Variants in EEPD1 observed in about 807,000 individuals in gnomAD.
EEPD1 encodes the protein endonuclease/exonuclease/phosphatase family domain containing 1.
In EEPD1, 17 loss-of-function variants were observed where a neutral mutation model predicts 46.3. The ratio of observed to expected loss-of-function variants is 0.37; its 90% CI spans 0.25 to 0.55. The LOEUF (loss-of-function observed/expected upper bound fraction) is 0.55. EEPD1 is among the 20% of genes least tolerant of loss of function. The pLI is 0.83. For synonymous variants in EEPD1, 313 were observed against 315.6 expected (o/e 0.99, Z 0.09); for missense variants, 673 against 745.6 (o/e 0.90, Z 1.13).
intron 3 of EEPD1, among the ~76,000 whole-genome samples, chr7:36,245,015 G>A (rs549228275): frequency 1.3e-5 from 2 of 151,234 alleles, no homozygotes; most frequent in Admixed American, 6.6e-5. Flanking sequence ...GTATGATCTC[G>A]GCTCACTGCA....
intron 2 of EEPD1, among the ~76,000 whole-genome samples, chr7:36,237,174 C>A (rs1161447622): frequency 2.6e-5 from 4 of 152,224 alleles, no homozygotes; most frequent in Non-Finnish European, 5.9e-5. Flanking sequence ...TCAGCGAAAC[C>A]ACGAACCCAC....
chr7:36,240,055 G>A (rs1786532166), intron 3 of EEPD1, among the ~76,000 whole-genome samples: 1 of 152,170 alleles, frequency 6.6e-6, no homozygotes, highest in South Asian at 2.1e-4. Flanking sequence ...GGTTGCTTGA[G>A]CCCAGGAGTT....
chr7:36,289,307 G>A (rs866272245), intron 6 of EEPD1, among the ~76,000 whole-genome samples: 10 of 152,022 alleles, frequency 6.6e-5, no homozygotes, highest in South Asian at 2.1e-4. Context: ...ACTGAAGCTC[G>A]GTACCCATTC....
chr7:36,271,720 C>CTTCTAGGGCTTTT lies in EEPD1; in HGVS notation c.931-9395_931-9394insTTCTAGGGCTTTT, dbSNP rs60503175. Among the ~76,000 whole-genome samples, 2 of 55,332 alleles carry CTTCTAGGGCTTTT rather than the reference C, an allele frequency of 3.6e-5. 1 individual carries two copies. Among genetic ancestry groups the CTTCTAGGGCTTTT allele is most frequent in the African/African-American group, 1.2e-4 (2 of 16,268 alleles). 36.3% of individuals were successfully genotyped at this position (55,332 alleles called of 152,430 possible). On this transcript the variant is annotated intron_variant, in intron 3 of 7. Coordinates refer to ENST00000242108, the MANE Select transcript of EEPD1 (RefSeq NM_030636.3). Reference sequence around the variant, plus strand: ...TCCTGAATGGTATTGCCTAGGTTTTCATGGTTTTAGGTTTTACATTTAAGT... The same window carrying CTTCTAGGGCTTTT: ...TCCTGAATGGTATTGCCTAGGTTTTCTTCTAGGGCTTTTATGGTTTTAGGTTTTACATTTAAGT...
chr7:36,285,294 G>A (rs1006031943), intron 5 of EEPD1, among the ~76,000 whole-genome samples: 2 of 152,212 alleles, frequency 1.3e-5, no homozygotes, highest in African/African-American at 4.8e-5. Flanking sequence ...GAACTGGCCT[G>A]AGGAGCCCCT....
At chr7:36,183,875 G>GTTTTT (rs35033256) in intron 2 of EEPD1, among the ~76,000 whole-genome samples, 20 of 51,850 alleles carry the variant, frequency 3.9e-4, no homozygotes, top group Non-Finnish European at 1.1e-3. Flanking sequence ...CCTAGCCCTC[G>GTTTTT]TTTTTTTTTT....
At position 36,154,174 on chromosome 7, in the gene EEPD1, A is replaced by G. The variant is rs1006750492; in HGVS notation, c.-151A>G. The G allele has an allele frequency of 5.4e-6, 5 of 928,874 alleles. No individual in the cohort carries two copies. The highest frequency in any genetic ancestry group is 7.8e-6 in the Non-Finnish European group (5 of 639,086). The allele number at this position is 928,874 out of a possible 1,614,324, so 57.5% of individuals were successfully genotyped here. The stretch of plus-strand genomic sequence containing the variant: ...TAATTTTGGACACGCCAGGCATGGA[A>G]GATTCGGTGTTTGTCTATAGTAACC... On this transcript the variant is annotated 5_prime_UTR_variant, in exon 2 of 8. Coordinates refer to ENST00000242108, the MANE Select transcript of EEPD1 (RefSeq NM_030636.3). This position sits in a 1 kb window ranked among gnomAD's most constrained non-coding sequence, Gnocchi z 4.2.
intron 2 of EEPD1, among the ~76,000 whole-genome samples, chr7:36,179,697 TAAAAAAAA>T (rs56263813): frequency 3.5e-5 from 3 of 85,450 alleles, no homozygotes; most frequent in Non-Finnish European, 4.6e-5. Flanking sequence ...CTGTCTCTAC[TAAAAAAAA>T]AAAAAAAAAA....
intron 3 of EEPD1, among the ~76,000 whole-genome samples, chr7:36,245,269 A>G (rs1786621440): frequency 6.6e-6 from 1 of 152,024 alleles, no homozygotes; most frequent in South Asian, 2.1e-4. Flanking sequence ...TCTTGATCAC[A>G]TTGTGAAGAG....
intron 2 of EEPD1, among the ~76,000 whole-genome samples, chr7:36,216,901 G>T (rs1786037951): frequency 6.6e-6 from 1 of 152,200 alleles, no homozygotes; most frequent in Non-Finnish European, 1.5e-5. Context: ...TACATATCAA[G>T]ACCTTAATGG....
chr7:36,229,371 T>C (rs1425952884), intron 2 of EEPD1: 1 of 152,116 alleles, frequency 6.6e-6, no homozygotes, highest in East Asian at 1.9e-4. Flanking sequence ...ACTATATCAT[T>C]TGGGGAGGGA....
At chr7:36,175,158 GGTT>G (rs200315804) in intron 2 of EEPD1, among the ~76,000 whole-genome samples, 2,154 of 152,318 alleles carry the variant, frequency 0.014, 26 homozygotes, top group African/African-American at 0.025. Context: ...CCTCCACATA[GGTT>G]ATAGTTCACT....
chr7:36,155,537 T>G (rs1784812736), intron 2 of EEPD1, among the ~76,000 whole-genome samples: 1 of 152,200 alleles, frequency 6.6e-6, no homozygotes, highest in African/African-American at 2.4e-5. Flanking sequence ...TGGGAACTGG[T>G]GCAGTTTCGC....
chr7:36,195,768 A>T (rs1393992354), intron 2 of EEPD1, among the ~76,000 whole-genome samples: 1 of 152,254 alleles, frequency 6.6e-6, no homozygotes, highest in African/African-American at 2.4e-5. Flanking sequence ...ATCACAAAAA[A>T]AATGGTAAGG....
Position 36,297,078 on chromosome 7 carries a change from C to T in EEPD1, c.1401C>T (p.His467=). The T allele has an allele frequency of 1.2e-6, 2 of 1,614,248 alleles. No individual in the cohort carries two copies. Among genetic ancestry groups the T allele is most frequent in the Non-Finnish European group, 1.7e-6 (2 of 1,180,052 alleles). ...ATATCCTGAGGAAAGAAAAGTTCCACCACCTGATCCCCGCGCACACCTTCA... is the reference window on the plus strand; with the variant it reads ...ATATCCTGAGGAAAGAAAAGTTCCATCACCTGATCCCCGCGCACACCTTCA... The part of the protein sequence containing the change: ...DYDILRKEKF[H]HLIPAHTFTN... Residue 467 remains histidine (H), a synonymous_variant, in exon 7 of 8, where the codon CAC becomes CAT. Coordinates refer to ENST00000242108, the MANE Select transcript of EEPD1 (RefSeq NM_030636.3).
intron 2 of EEPD1, among the ~76,000 whole-genome samples, chr7:36,218,111 GT>G (rs1422094201): frequency 6.6e-6 from 1 of 152,194 alleles, no homozygotes; most frequent in African/African-American, 2.4e-5. Context: ...TACTCTGATT[GT>G]TATTAAGAAC....
chr7:36,258,147 C>T (rs977799962), intron 3 of EEPD1, among the ~76,000 whole-genome samples: 8 of 152,150 alleles, frequency 5.3e-5, no homozygotes, highest in Non-Finnish European at 1.2e-4. Context: ...CTAGGTATCA[C>T]GAGTGGAGGC....
At chr7:36,183,411 C>T (rs1191794743) in intron 2 of EEPD1, among the ~76,000 whole-genome samples, 1 of 152,142 alleles carries the variant, frequency 6.6e-6, no homozygotes, top group Non-Finnish European at 1.5e-5. Flanking sequence ...TGCCTTTTCC[C>T]AGCATATTGG....
intron 2 of EEPD1, among the ~76,000 whole-genome samples, chr7:36,202,103 A>C (rs1433394984): frequency 6.6e-6 from 1 of 152,142 alleles, no homozygotes; most frequent in Non-Finnish European, 1.5e-5. Context: ...CCACTCGAGG[A>C]CTTGTCATAG....
Sources: allele counts gnomAD v4.1 joint callset (sites outside exome capture counted in the v4.1 genomes callset), GRCh38; gene constraint gnomAD v4.1.1; non-coding constraint Gnocchi (gnomAD v3.1); transcripts MANE v1.5; gene names NCBI Gene and HGNC (gene_info 2026-07-23, HGNC 2026-07-21).